The following LCLAT1 variants were observed in gnomAD, a reference collection of about 807,000 sequenced individuals.
LCLAT1 encodes 1-AGP acyltransferase 8.
A neutral mutation model predicts 30.7 loss-of-function variants in LCLAT1; 11 were observed. The observed-to-expected ratio is 0.36, with a 90% CI of 0.23 to 0.59. The LOEUF is 0.59. Ranked by LOEUF, LCLAT1 falls within the 20% of genes least tolerant of loss-of-function variation. The pLI, the probability that LCLAT1 is intolerant of heterozygous loss-of-function variation, is 0.77. For missense variants in LCLAT1, 402 were observed against 458.6 expected, an observed-to-expected ratio of 0.88 and a Z score of 1.13; for synonymous variants, 155 against 151.3, an observed-to-expected ratio of 1.02 and a Z score of -0.18.
chr2:30,592,035 A>C (rs953591939), intron 5 of LCLAT1, among the ~76,000 whole-genome samples: 1 of 152,172 alleles, frequency 6.6e-6, no homozygotes, highest in Non-Finnish European at 1.5e-5. Flanking sequence ...GGTATTGTTC[A>C]TCTTTGTGAT....
chr2:30,546,702 T>C (rs979384350), intron 3 of LCLAT1, among the ~76,000 whole-genome samples: 2 of 152,190 alleles, frequency 1.3e-5, no homozygotes, highest in African/African-American at 2.4e-5. Flanking sequence ...AGATGTCTGT[T>C]TGACATATTT....
At chr2:30,593,813 C>T (rs544642128) in intron 5 of LCLAT1, among the ~76,000 whole-genome samples, 1 of 151,516 alleles carries the variant, frequency 6.6e-6, no homozygotes, top group South Asian at 2.1e-4. Flanking sequence ...GTCCCTACTA[C>T]TTGGGAGGCT....
intron 1 of LCLAT1, among the ~76,000 whole-genome samples, chr2:30,481,581 C>T (rs567360690): frequency 2.0e-5 from 3 of 152,004 alleles, no homozygotes; most frequent in Non-Finnish European, 2.9e-5. Context: ...AGTGGCCATG[C>T]GTGTGGAATG....
intron 1 of LCLAT1, among the ~76,000 whole-genome samples, chr2:30,472,731 G>A (rs1682860141): frequency 6.6e-6 from 1 of 152,060 alleles, no homozygotes; most frequent in Non-Finnish European, 1.5e-5. Flanking sequence ...ACCTTTCCAG[G>A]TAATTTCAGG....
rs556339497 is a variant in LCLAT1 at position 30,614,741 on chromosome 2, T to C, written c.629-25376T>C. 2.0e-5 allele frequency among the ~76,000 whole-genome samples: 3 copies of C among 152,306 alleles called. No individual in the cohort carries two copies. In the South Asian group the frequency reaches 6.2e-4, roughly 32 times the overall value. On this transcript the variant is annotated intron_variant, in intron 5 of 5. Coordinates refer to ENST00000379509, the MANE Select transcript of LCLAT1 (RefSeq NM_001002257.3). ...TTGGTAGGCATGACCACATATGATA[T>C]TTAAAGCTGCAAGACTGAAAGAGAT...
intron 1 of LCLAT1, among the ~76,000 whole-genome samples, chr2:30,501,227 T>C (rs184288993): frequency 2.0e-5 from 3 of 152,112 alleles, no homozygotes; most frequent in Admixed American, 2.0e-4. Flanking sequence ...TTAAAGCCTT[T>C]TTCTCTGTCA....
rs1681291772 is a variant in LCLAT1 at position 30,447,271 on chromosome 2, GCGT to G, written c.-116_-114del. 6.6e-6 allele frequency: 1 copy of G among 151,970 alleles called. No individual in the cohort carries two copies. The highest frequency in any genetic ancestry group is 2.4e-5 in the African/African-American group (1 of 41,410). The allele number at this position is 151,970 out of a possible 1,614,324, so 9.4% of individuals were successfully genotyped here. A position where few individuals can be genotyped will look rare whatever the true frequency, so the allele number is the denominator to read the frequency against. On this transcript the variant is annotated 5_prime_UTR_variant, in exon 1 of 6. Transcript: ENST00000379509. ...ACTAGGGCGACGGCCGGACGCCTCC[GCGT>G]TACGGGATGAATTAACGGCGGGTTC...
intron 1 of LCLAT1, among the ~76,000 whole-genome samples, chr2:30,484,749 C>T (rs1291301761): frequency 4.0e-5 from 6 of 151,274 alleles, no homozygotes; most frequent in Admixed American, 3.3e-4. Context: ...GAGAGTGTAA[C>T]ATTCAGTAAC....
chr2:30,634,027 A>T (rs151098295), intron 5 of LCLAT1, among the ~76,000 whole-genome samples: 1 of 152,334 alleles, frequency 6.6e-6, no homozygotes, highest in East Asian at 1.9e-4. Flanking sequence ...TTCATGCTGG[A>T]TATTACATTT....
chr2:30,509,679 C>A (rs985203654), intron 1 of LCLAT1, among the ~76,000 whole-genome samples: 4 of 151,906 alleles, frequency 2.6e-5, no homozygotes, highest in African/African-American at 9.7e-5. Context: ...GATTCTCCTG[C>A]CTCAGCTTCC....
chr2:30,592,806 A>G (rs1025518529), intron 5 of LCLAT1, among the ~76,000 whole-genome samples: 4 of 152,166 alleles, frequency 2.6e-5, no homozygotes, highest in African/African-American at 9.6e-5. Context: ...ACTGATATGT[A>G]ACAGTTGTAT....
Position 30,577,787 on chromosome 2 carries a change from A to ATTC in LCLAT1, c.628+9632_628+9634dup, listed in dbSNP as rs148353400. On this transcript the variant is annotated intron_variant, in intron 5 of 5. Coordinates refer to ENST00000379509, the MANE Select transcript of LCLAT1 (RefSeq NM_001002257.3). ...TGACAGCTAGCTTCATATTTGTGCT[A>ATTC]TTCTTCTTCTTCTTCTTCTTCTTTG... is the stretch of plus-strand genomic sequence containing the variant. 8.7e-3 allele frequency among the ~76,000 whole-genome samples: 1,311 copies of ATTC among 150,834 alleles called. 12 individuals carry two copies. Among genetic ancestry groups the ATTC allele is most frequent in the African/African-American group, 0.025 (1,025 of 41,310 alleles).
chr2:30,562,402 G>A lies in LCLAT1; in HGVS notation c.511+110G>A, dbSNP rs938616665. ...GAATAATGGCTCTTCCAGGTGTGGT[G>A]GTCCATCCCTGGAATCCTAGCTACT... On this transcript the variant is annotated intron_variant, in intron 4 of 5. Transcript: ENST00000379509. 1.1e-5 allele frequency: 9 copies of A among 840,964 alleles called. No homozygotes were observed. In the Admixed American group the frequency reaches 2.5e-4, roughly 24 times the overall value. 52.1% of individuals were successfully genotyped at this position (840,964 alleles called of 1,614,324 possible). A position where few individuals can be genotyped will look rare whatever the true frequency, so the allele number is the denominator to read the frequency against.
rs1365581827 is a variant in LCLAT1 at position 30,533,329 on chromosome 2, C to T, written c.364+15C>T. On this transcript the variant is annotated intron_variant, in intron 3 of 5. Transcript: ENST00000379509. ...TCCTGGATTTGGTAGGTTATTCACA[C>T]ATTATTTTAAGTGGTTCATTCATTT... 3.1e-6 allele frequency: 5 copies of T among 1,606,928 alleles called. No homozygotes were observed. The African/African-American group carries it at 4.0e-5, about 13-fold the overall frequency.
chr2:30,471,677 CG>C (rs1682803089), intron 1 of LCLAT1, among the ~76,000 whole-genome samples: 1 of 152,038 alleles, frequency 6.6e-6, no homozygotes, highest in African/African-American at 2.4e-5. Flanking sequence ...ATTTTCCTTT[CG>C]GTTTGTTTAT....
chr2:30,502,831 A>G (rs1684465532), intron 1 of LCLAT1, among the ~76,000 whole-genome samples: 1 of 152,170 alleles, frequency 6.6e-6, no homozygotes. Context: ...TTGATGCAGG[A>G]CAGGTGAGCC....
At chr2:30,614,561 A>G (rs568822521) in intron 5 of LCLAT1, among the ~76,000 whole-genome samples, 133 of 152,250 alleles carry the variant, frequency 8.7e-4, no homozygotes, top group African/African-American at 2.8e-3. Context: ...TTTAACTGCA[A>G]CAAAGACTGT....
chr2:30,630,517 A>G (rs889459909), intron 5 of LCLAT1, among the ~76,000 whole-genome samples: 47 of 152,236 alleles, frequency 3.1e-4, no homozygotes, highest in African/African-American at 1.1e-3. Context: ...AGTAACTTCT[A>G]TTACCTTTTG....
chr2:30,641,497 A>G lies in LCLAT1; in HGVS notation c.*878A>G, dbSNP rs1017558204. On this transcript the variant is annotated 3_prime_UTR_variant, in exon 6 of 6. Coordinates refer to ENST00000379509, the MANE Select transcript of LCLAT1 (RefSeq NM_001002257.3). ...CATTCCAGTCAGAAACTGTCTTTTG[A>G]AATATTTCTTTACAACCTACCAAAA... 6.6e-6 allele frequency: 1 copy of G among 152,170 alleles called. No homozygotes were observed. The highest frequency in any genetic ancestry group is 6.5e-5 in the Admixed American group (1 of 15,276). The allele number at this position is 152,170 out of a possible 1,614,324, so 9.4% of individuals were successfully genotyped here.
Sources: allele counts gnomAD v4.1 joint callset (sites outside exome capture counted in the v4.1 genomes callset), GRCh38; gene constraint gnomAD v4.1.1; transcripts MANE v1.5; gene names NCBI Gene and HGNC (gene_info 2026-07-23, HGNC 2026-07-21).